The following DNAH12 variants were observed in gnomAD, a reference collection of about 807,000 sequenced individuals.
DNAH12 encodes axonemal beta dynein heavy chain 12.
Under a neutral mutation model 371.5 loss-of-function variants are expected in DNAH12, and 285 were observed. That is an observed-to-expected ratio of 0.77 (90% CI 0.70 to 0.85). The LOEUF (loss-of-function observed/expected upper bound fraction) is 0.85, where lower values mean the gene tolerates loss of function less well. Among genes scored for constraint, DNAH12 ranks in the 40% least tolerant of loss-of-function variants. DNAH12 has a pLI of 0.00. For missense variants in DNAH12, 3,611 were observed against 3,689.4 expected (o/e 0.98, Z 0.55); for synonymous variants, 1,200 against 1,213.0 (o/e 0.99, Z 0.22).
intron 6 of DNAH12, among the ~76,000 whole-genome samples, 187 bp from the exon 7 acceptor site, chr3:57,508,727 T>A (rs1158315337): frequency 6.6e-6 from 1 of 152,206 alleles, no homozygotes; most frequent in Middle Eastern, 3.2e-3. Context: ...AACTCAAAAC[T>A]GCATTATCTT....
intron 30 of DNAH12, among the ~76,000 whole-genome samples, chr3:57,434,852 T>C (rs2065070350): frequency 6.6e-6 from 1 of 151,680 alleles, no homozygotes; most frequent in African/African-American, 2.4e-5. Context: ...AAAAGAACCA[T>C]AACAAAGAAA....
intron 11 of DNAH12, among the ~76,000 whole-genome samples, chr3:57,492,869 G>A (rs1195224203): frequency 6.6e-6 from 1 of 152,086 alleles, no homozygotes; most frequent in Non-Finnish European, 1.5e-5. Context: ...GCCAGGTGTA[G>A]TGGTAGGCAC....
At chr3:57,446,928 T>C (rs9879539) in intron 25 of DNAH12, among the ~76,000 whole-genome samples, 64,473 of 152,058 alleles carry the variant, frequency 0.42, 15,256 homozygotes, top group South Asian at 0.58. Context: ...GTATCCCATT[T>C]GTTTTTAAAA....
intron 60 of DNAH12, among the ~76,000 whole-genome samples, chr3:57,336,817 G>T (rs182582672): frequency 1.3e-5 from 2 of 152,268 alleles, no homozygotes; most frequent in Admixed American, 1.3e-4. Context: ...GAGGACTGAG[G>T]TCATATGGCT....
intron 58 of DNAH12, among the ~76,000 whole-genome samples, chr3:57,358,957 G>A (rs1001419441): frequency 4.6e-5 from 7 of 151,862 alleles, no homozygotes; most frequent in Admixed American, 3.3e-4. Flanking sequence ...GCTAATTTTT[G>A]TATTTTAGTA....
chr3:57,457,591 A>G, intron 22 of DNAH12, 130 bp downstream of exon 22: 1 of 1,046,138 alleles, frequency 9.6e-7, no homozygotes, highest in Non-Finnish European at 1.3e-6. Context: ...TAATGTTAGA[A>G]ACAAAGAAGT....
intron 69 of DNAH12, among the ~76,000 whole-genome samples, chr3:57,303,444 C>T (rs1204610369): frequency 6.8e-6 from 1 of 147,082 alleles, no homozygotes; most frequent in African/African-American, 2.5e-5. Context: ...CAAGGTCTCA[C>T]TGTGTAACAC....
chr3:57,492,741 G>A (rs974291921), intron 11 of DNAH12, among the ~76,000 whole-genome samples: 12 of 152,140 alleles, frequency 7.9e-5, no homozygotes, highest in African/African-American at 2.9e-4. Flanking sequence ...GGGTGCAGTG[G>A]CTCACACCTG....
intron 47 of DNAH12, among the ~76,000 whole-genome samples, chr3:57,385,840 C>T (rs2063490429): frequency 6.6e-6 from 1 of 152,094 alleles, no homozygotes; most frequent in African/African-American, 2.4e-5. Flanking sequence ...GAGATTGCAC[C>T]ATTGCAATCC....
At chr3:57,417,295 C>A (rs1441147018) in intron 37 of DNAH12, among the ~76,000 whole-genome samples, 1 of 151,954 alleles carries the variant, frequency 6.6e-6, no homozygotes, top group Non-Finnish European at 1.5e-5. Context: ...AGCACTGAAA[C>A]TGAGTAATAG....
At chr3:57,435,933 T>C (rs753200656) in intron 30 of DNAH12, among the ~76,000 whole-genome samples, 2 of 152,116 alleles carry the variant, frequency 1.3e-5, no homozygotes, top group Non-Finnish European at 2.9e-5. Flanking sequence ...ATCGTGACCA[T>C]TGAGATCCCA....
At chr3:57,448,331 G>A (rs1040084659) in intron 25 of DNAH12, among the ~76,000 whole-genome samples, 4 of 152,074 alleles carry the variant, frequency 2.6e-5, no homozygotes, top group South Asian at 2.1e-4. Context: ...AGCTCTTAAG[G>A]CAGCACGTCT....
intron 30 of DNAH12, among the ~76,000 whole-genome samples, chr3:57,436,678 G>C (rs948282680): frequency 3.3e-5 from 5 of 152,192 alleles, no homozygotes; most frequent in African/African-American, 1.2e-4. Flanking sequence ...AGAACTTTTA[G>C]GTGCCTCCCT....
intron 12 of DNAH12, among the ~76,000 whole-genome samples, chr3:57,484,609 G>A (rs1462609351): frequency 6.6e-6 from 1 of 151,924 alleles, no homozygotes. Context: ...TCAGAAAAAA[G>A]CTTCTGGACA....
At chr3:57,305,922 C>T (rs565163094) in intron 69 of DNAH12, among the ~76,000 whole-genome samples, 63 of 152,322 alleles carry the variant, frequency 4.1e-4, no homozygotes, top group Admixed American at 3.9e-3. Flanking sequence ...CCGAGGCTTT[C>T]CTCCAGAACC....
chr3:57,390,452 CTTAG>C (rs2063599177), intron 45 of DNAH12, among the ~76,000 whole-genome samples: 2 of 59,508 alleles, frequency 3.4e-5, no homozygotes, highest in Non-Finnish European at 7.3e-5. Flanking sequence ...TATATATATA[CTTAG>C]ACCAACCATG....
At chr3:57,360,836 A>G (rs2062911226) in intron 58 of DNAH12, among the ~76,000 whole-genome samples, 1 of 152,058 alleles carries the variant, frequency 6.6e-6, no homozygotes, top group African/African-American at 2.4e-5. Context: ...AGGAGCACAT[A>G]ATTCATTGGG....
intron 29 of DNAH12, among the ~76,000 whole-genome samples, chr3:57,437,806 A>G (rs2065175409): frequency 6.6e-6 from 1 of 152,220 alleles, no homozygotes; most frequent in Non-Finnish European, 1.5e-5. Context: ...TAGTCTCAGA[A>G]TGCTTAGATC....
chr3:57,462,968 A>G lies in DNAH12; in HGVS notation c.2350-93T>C, dbSNP rs868611808. ...GAAGCCTTGATGATATAAGGGTTAC[A>G]TTTCTTCAATTTATTTAATATATTT... On this transcript the variant is annotated intron_variant, in intron 17 of 73. Coordinates refer to ENST00000495027, the MANE Select transcript of DNAH12 (RefSeq NM_001366028.2). The G allele has an allele frequency of 4.8e-5, 37 of 763,180 alleles. No homozygotes were observed. In the Middle Eastern group the frequency reaches 8.9e-4, roughly 18 times the overall value. The allele number at this position is 763,180 out of a possible 1,614,324, so 47.3% of individuals were successfully genotyped here. A position where few individuals can be genotyped will look rare whatever the true frequency, so the allele number is the denominator to read the frequency against.
Sources: allele counts gnomAD v4.1 joint callset (sites outside exome capture counted in the v4.1 genomes callset), GRCh38; gene constraint gnomAD v4.1.1; transcripts MANE v1.5; gene names NCBI Gene and HGNC (gene_info 2026-07-23, HGNC 2026-07-21).